Variants in DNAH11 observed in about 807,000 individuals in gnomAD.
DNAH11 encodes dynein axonemal heavy chain 11, also known as axonemal beta dynein heavy chain 11.
DNAH11 carries 442 observed loss-of-function variants against 526.0 expected under a neutral mutation model. That is an observed-to-expected ratio of 0.84 (90% CI 0.78 to 0.91). The LOEUF is 0.91. Ranked by LOEUF, DNAH11 falls within the 40% of genes least tolerant of loss-of-function variation. DNAH11 has a pLI of 0.00. For missense variants in DNAH11, 6,989 were observed against 5,448.7 expected, an observed-to-expected ratio of 1.28 and a Z score of -8.90; for synonymous variants, 2,461 against 1,935.9, an observed-to-expected ratio of 1.27 and a Z score of -7.12.
chr7:21,790,200 A>T (rs1044289371), intron 61 of DNAH11, among the ~76,000 whole-genome samples: 6 of 152,122 alleles, frequency 3.9e-5, no homozygotes, highest in Non-Finnish European at 8.8e-5. Flanking sequence ...TAATCCCAGC[A>T]CTTTGGGAGG....
intron 65 of DNAH11, among the ~76,000 whole-genome samples, chr7:21,839,788 C>G (rs2128014770): frequency 6.6e-6 from 1 of 152,126 alleles, no homozygotes; most frequent in East Asian, 1.9e-4. Context: ...AGAATTTTTT[C>G]AAGTTTAGAC....
intron 14 of DNAH11, among the ~76,000 whole-genome samples, chr7:21,598,632 T>C (rs1164671199): frequency 6.8e-6 from 1 of 146,700 alleles, no homozygotes; most frequent in Non-Finnish European, 1.5e-5. Flanking sequence ...TAAATTGTGC[T>C]TAAACAAGGT....
intron 55 of DNAH11, among the ~76,000 whole-genome samples, chr7:21,772,259 T>G (rs1260442862): frequency 6.6e-6 from 1 of 152,014 alleles, no homozygotes; most frequent in African/African-American, 2.4e-5. Context: ...CAAATGAAAC[T>G]GTTGTTAAAG....
intron 37 of DNAH11, among the ~76,000 whole-genome samples, chr7:21,703,242 A>G (rs570784493): frequency 8.5e-5 from 13 of 152,278 alleles, no homozygotes; most frequent in East Asian, 1.9e-4. Flanking sequence ...CCTGACACCA[A>G]TGAAATGCGT....
At chr7:21,656,088 T>C (rs1782004698) in intron 29 of DNAH11, 107 bp downstream of exon 29, 2 of 1,286,840 alleles carry the variant, frequency 1.6e-6, no homozygotes, top group East Asian at 5.1e-5. Flanking sequence ...AATCAGGCTC[T>C]GCTTAGTTTT....
intron 8 of DNAH11, among the ~76,000 whole-genome samples, chr7:21,576,012 A>T (rs1333473688): frequency 6.6e-6 from 1 of 152,030 alleles, no homozygotes; most frequent in Non-Finnish European, 1.5e-5. Context: ...AAAGAGGGAG[A>T]TGTACTTTTC....
intron 30 of DNAH11, among the ~76,000 whole-genome samples, chr7:21,660,786 T>G (rs865811870): frequency 7.2e-5 from 11 of 152,236 alleles, no homozygotes; most frequent in African/African-American, 2.6e-4. Context: ...TAGCTATGTA[T>G]CTGTGTCTAT....
At chr7:21,598,986 A>G (rs1166848944) in intron 14 of DNAH11, among the ~76,000 whole-genome samples, 1 of 152,214 alleles carries the variant, frequency 6.6e-6, no homozygotes, top group Admixed American at 6.5e-5. Flanking sequence ...CCAGTGTATC[A>G]TTGATAGGCA....
chr7:21,894,902 C>G lies in DNAH11; in HGVS notation c.12952C>G (p.Pro4318Ala). Reference sequence around the variant, plus strand: ...ATGCAAGGGGGAATTGGCATTATCTCCTGCTGTGGAAGCCCAGCAGTTTGC... The same window carrying G: ...ATGCAAGGGGGAATTGGCATTATCTGCTGCTGTGGAAGCCCAGCAGTTTGC... ...LSLKGELALS[P>A]AVEAQQFALS... Residue 4318 changes from proline (P) to alanine (A), a missense_variant, in exon 79 of 82, where the codon CCT becomes GCT. Transcript: ENST00000409508. The G allele has an allele frequency of 6.2e-7, 1 of 1,613,950 alleles. No individual in the cohort carries two copies. The highest frequency in any genetic ancestry group is 1.1e-5 in the South Asian group (1 of 91,072).
intron 61 of DNAH11, among the ~76,000 whole-genome samples, chr7:21,795,263 C>G (rs565257753): frequency 2.0e-5 from 3 of 152,294 alleles, no homozygotes; most frequent in African/African-American, 7.2e-5. Context: ...TGTGCGGATC[C>G]TAGTACCTAG....
At chr7:21,834,422 G>A (rs990367156) in intron 65 of DNAH11, among the ~76,000 whole-genome samples, 10 of 151,846 alleles carry the variant, frequency 6.6e-5, no homozygotes, top group Admixed American at 2.0e-4. Context: ...TATGCCTCAA[G>A]GATCTAAAAA....
intron 57 of DNAH11, among the ~76,000 whole-genome samples, chr7:21,784,118 G>A (rs1788072377): frequency 6.6e-6 from 1 of 152,174 alleles, no homozygotes; most frequent in African/African-American, 2.4e-5. Flanking sequence ...GAAGAACAGA[G>A]GAATCACTTA....
chr7:21,791,542 A>T (rs1376361508), intron 61 of DNAH11, among the ~76,000 whole-genome samples: 1 of 152,054 alleles, frequency 6.6e-6, no homozygotes, highest in African/African-American at 2.4e-5. Flanking sequence ...TGCTCCCAAG[A>T]CCCTCTGGAG....
At chr7:21,885,866 C>T (rs1262182039) in intron 76 of DNAH11, among the ~76,000 whole-genome samples, 1 of 152,166 alleles carries the variant, frequency 6.6e-6, no homozygotes, top group Non-Finnish European at 1.5e-5. Context: ...TCCCATTTCT[C>T]ATCTTAGTAA....
intron 62 of DNAH11, among the ~76,000 whole-genome samples, chr7:21,804,857 G>C (rs1789183509): frequency 6.6e-6 from 1 of 152,122 alleles, no homozygotes; most frequent in Non-Finnish European, 1.5e-5. Context: ...CTCCCCAATA[G>C]CTAATTAATC....
intron 31 of DNAH11, 137 bp from the exon 32 acceptor site, chr7:21,683,647 A>G (rs1006674689): frequency 1.2e-6 from 1 of 861,014 alleles, no homozygotes; most frequent in Non-Finnish European, 1.7e-6. Flanking sequence ...ATATGCTATT[A>G]TAATTTGCAA....
intron 29 of DNAH11, among the ~76,000 whole-genome samples, 189 bp downstream of exon 29, chr7:21,656,170 C>T (rs1247773504): frequency 6.6e-6 from 1 of 152,146 alleles, no homozygotes; most frequent in Non-Finnish European, 1.5e-5. Context: ...CCAGTTTCTA[C>T]TCATGTGGCT....
rs1005936158 is a variant in DNAH11, at chr7:21,559,495, T to C, written c.693-108T>C. 6 of 926,512 alleles carry C rather than the reference T, an allele frequency of 6.5e-6. No individual in the cohort carries two copies. The African/African-American group carries it at 8.6e-5, about 13-fold the overall frequency. The allele number at this position is 926,512 out of a possible 1,614,324, so 57.4% of individuals were successfully genotyped here. On this transcript the variant is annotated intron_variant, in intron 3 of 81. Coordinates refer to ENST00000409508, the MANE Select transcript of DNAH11 (RefSeq NM_001277115.2). ...CATAAAAATAATGGATTTTCAAGAA[T>C]TTATTTTTAGGAAACTAGTTTATGG...
chr7:21,857,338 C>A (rs550327896), intron 68 of DNAH11, among the ~76,000 whole-genome samples: 1 of 152,042 alleles, frequency 6.6e-6, no homozygotes, highest in Non-Finnish European at 1.5e-5. Context: ...TAAATAGATA[C>A]ACCATGTTCA....
Sources: allele counts gnomAD v4.1 joint callset (sites outside exome capture counted in the v4.1 genomes callset), GRCh38; gene constraint gnomAD v4.1.1; transcripts MANE v1.5; gene names NCBI Gene and HGNC (gene_info 2026-07-23, HGNC 2026-07-21).